RORA: variants seen among roughly 807,000 people sequenced by gnomAD.
RORA encodes nuclear receptor ROR-alpha.
Under a neutral mutation model 69.5 loss-of-function variants are expected in RORA, and 7 were observed. That is an observed-to-expected ratio of 0.10 (90% CI 0.06 to 0.19). The LOEUF (loss-of-function observed/expected upper bound fraction) is 0.19, where lower values mean the gene tolerates loss of function less well. RORA is among the 10% of genes least tolerant of loss of function. The pLI is 1.00. For missense variants in RORA, 457 were observed against 663.0 expected, an observed-to-expected ratio of 0.69 and a Z score of 3.41; for synonymous variants, 261 against 240.8, an observed-to-expected ratio of 1.08 and a Z score of -0.78.
intron 1 of RORA, among the ~76,000 whole-genome samples, chr15:61,027,841 A>G (rs947045235): frequency 1.3e-5 from 2 of 152,210 alleles, no homozygotes; most frequent in African/African-American, 4.8e-5. Context: ...AATCTGCAAA[A>G]TGGTAACAGG....
At chr15:60,940,883 C>G (rs957969316) in intron 1 of RORA, among the ~76,000 whole-genome samples, 1 of 152,086 alleles carries the variant, frequency 6.6e-6, no homozygotes, top group Admixed American at 6.6e-5. Context: ...GCCAAGATCG[C>G]ACCACCGCAC....
chr15:60,693,799 C>T (rs762912343), intron 1 of RORA, among the ~76,000 whole-genome samples: 3 of 152,090 alleles, frequency 2.0e-5, no homozygotes, highest in Admixed American at 6.5e-5. Flanking sequence ...AGAGAGGACA[C>T]AAACAAATGG....
At chr15:60,929,024 C>T (rs1273507744) in intron 1 of RORA, among the ~76,000 whole-genome samples, 6 of 152,122 alleles carry the variant, frequency 3.9e-5, no homozygotes, top group Non-Finnish European at 7.4e-5. Context: ...TTGTGTGCCC[C>T]GCTCCCACTC....
chr15:60,741,741 C>T (rs913717195), intron 1 of RORA, among the ~76,000 whole-genome samples: 3 of 152,184 alleles, frequency 2.0e-5, no homozygotes, highest in Admixed American at 2.0e-4. Context: ...AGGTGCAGCC[C>T]TCTCCCTGGA....
chr15:60,939,484 C>T (rs970633602), intron 1 of RORA, among the ~76,000 whole-genome samples: 1 of 152,188 alleles, frequency 6.6e-6, no homozygotes, highest in African/African-American at 2.4e-5. Flanking sequence ...TCCTGAGGTA[C>T]CTGTGATAAT....
chr15:60,925,450 C>T (rs1043089706), intron 1 of RORA, among the ~76,000 whole-genome samples: 4 of 152,254 alleles, frequency 2.6e-5, no homozygotes, highest in African/African-American at 9.6e-5. Flanking sequence ...GAGCCCTACT[C>T]TGTTTCTCCT....
intron 2 of RORA, among the ~76,000 whole-genome samples, chr15:60,591,279 T>TGCGGGCGCACAA (rs1249456553): frequency 6.6e-6 from 1 of 152,106 alleles, no homozygotes; most frequent in Non-Finnish European, 1.5e-5. Flanking sequence ...GCGAGGAACC[T>TGCGGGCGCACAA]GCGGGCGCAC....
chr15:60,620,172 G>A (rs571509215), intron 2 of RORA, among the ~76,000 whole-genome samples: 29 of 152,332 alleles, frequency 1.9e-4, no homozygotes, highest in African/African-American at 6.7e-4. Flanking sequence ...TGCACAGTAA[G>A]TATTAATGCA....
At chr15:60,536,584 T>A (rs2066686451) in intron 2 of RORA, among the ~76,000 whole-genome samples, 2 of 152,250 alleles carry the variant, frequency 1.3e-5, no homozygotes, top group Non-Finnish European at 2.9e-5. Flanking sequence ...AAATTAAAGT[T>A]TTTTATTGGT....
chr15:60,531,667 C>T lies in RORA; in HGVS notation c.282+99G>A. 9.2e-6 allele frequency: 6 copies of T among 654,346 alleles called. No individual in the cohort carries two copies. The highest frequency in any genetic ancestry group is 1.9e-5 in the African/African-American group (1 of 51,346). The allele number at this position is 654,346 out of a possible 1,614,324, so 40.5% of individuals were successfully genotyped here. ...CTGTAATTTCTTATCATTCAAAATT[C>T]TAAGGAGTTGAATTTTAAGACATAA... On this transcript the variant is annotated intron_variant, in intron 3 of 10. Coordinates refer to ENST00000335670, the MANE Select transcript of RORA (RefSeq NM_134261.3). The surrounding 1 kb of genome is among the most constrained non-coding windows in gnomAD (Gnocchi z 4.8).
At chr15:60,942,094 G>T (rs774940618) in intron 1 of RORA, among the ~76,000 whole-genome samples, 1 of 151,750 alleles carries the variant, frequency 6.6e-6, no homozygotes, top group Non-Finnish European at 1.5e-5. Flanking sequence ...TAAAAACATG[G>T]AATTTTTTTT....
chr15:60,657,716 C>A (rs1261824310), intron 2 of RORA, among the ~76,000 whole-genome samples: 1 of 152,142 alleles, frequency 6.6e-6, no homozygotes, highest in Non-Finnish European at 1.5e-5. Flanking sequence ...ATAAGGCATA[C>A]TTCAAGAAAA....
chr15:61,191,031 A>G (rs1446134239), intron 1 of RORA, among the ~76,000 whole-genome samples: 3 of 152,090 alleles, frequency 2.0e-5, no homozygotes, highest in African/African-American at 7.2e-5. Context: ...TACTAAATGC[A>G]TCAGGGAGAT....
chr15:61,004,112 A>G (rs1036063318), intron 1 of RORA, among the ~76,000 whole-genome samples: 2 of 152,194 alleles, frequency 1.3e-5, no homozygotes, highest in Admixed American at 1.3e-4. Flanking sequence ...GGAGTCAGAC[A>G]AGAGGAGGTT....
intron 1 of RORA, among the ~76,000 whole-genome samples, chr15:61,113,716 T>A (rs995890786): frequency 3.3e-5 from 5 of 152,172 alleles, no homozygotes; most frequent in African/African-American, 9.7e-5. Flanking sequence ...CACATGCGGA[T>A]ATATACATCC....
chr15:61,167,692 C>T (rs779264149), intron 1 of RORA, among the ~76,000 whole-genome samples: 33 of 152,168 alleles, frequency 2.2e-4, no homozygotes, highest in Non-Finnish European at 3.7e-4. Context: ...ATTTAGATCT[C>T]ACTTAATCCC....
chr15:61,066,418 C>CTTTTTTTTTTTGT (rs2078259082), intron 1 of RORA, among the ~76,000 whole-genome samples: 1 of 80,918 alleles, frequency 1.2e-5, no homozygotes, highest in African/African-American at 4.9e-5. Context: ...GGGCATATTC[C>CTTTTTTTTTTTGT]TTTTTTTTTT....
At chr15:61,113,849 C>T (rs1045164302) in intron 1 of RORA, among the ~76,000 whole-genome samples, 2 of 152,202 alleles carry the variant, frequency 1.3e-5, no homozygotes, top group African/African-American at 4.8e-5. Context: ...TCCTTGTTAT[C>T]GTGGTAAATT....
intron 1 of RORA, among the ~76,000 whole-genome samples, chr15:61,063,128 A>G (rs1010176075): frequency 2.6e-5 from 4 of 152,230 alleles, no homozygotes; most frequent in Non-Finnish European, 4.4e-5. Flanking sequence ...CCCACAAATC[A>G]GGACACGCCA....
Sources: allele counts gnomAD v4.1 joint callset (sites outside exome capture counted in the v4.1 genomes callset), GRCh38; gene constraint gnomAD v4.1.1; non-coding constraint Gnocchi (gnomAD v3.1); transcripts MANE v1.5; gene names NCBI Gene and HGNC (gene_info 2026-07-23, HGNC 2026-07-21).